The following MAP3K15 variants were observed in gnomAD, a reference collection of about 807,000 sequenced individuals.
MAP3K15 encodes the protein MAPK/ERK kinase kinase 15.
In MAP3K15, 124 loss-of-function variants were observed where a neutral mutation model predicts 99.5. The observed-to-expected ratio is 1.25, with a 90% CI of 1.08 to 1.45. The LOEUF (loss-of-function observed/expected upper bound fraction) is 1.45. MAP3K15 is among the 40% of genes most tolerant of loss of function. MAP3K15 has a pLI of 0.00. For synonymous variants in MAP3K15, 494 were observed against 439.6 expected, an observed-to-expected ratio of 1.12 and a Z score of -1.55; for missense variants, 1,242 against 1,079.7, an observed-to-expected ratio of 1.15 and a Z score of -2.11.
Position 19,382,137 on chromosome X carries a change from C to T in MAP3K15, c.2432-1860G>A, listed in dbSNP as rs754339564. ...ACATGGTGGTGGGTGCCTGTAATCC[C>T]AGCTACTCGGGAGGCTGAGGCAGGA... On this transcript the variant is annotated intron_variant, in intron 18 of 28. Coordinates refer to ENST00000338883, the MANE Select transcript of MAP3K15 (RefSeq NM_001001671.4). 3.9e-3 allele frequency among the ~76,000 whole-genome samples: 419 copies of T among 108,237 alleles called. 3 individuals carry two copies. Among genetic ancestry groups the T allele is most frequent in the African/African-American group, 0.013 (392 of 29,542 alleles). The allele number at this position is 108,237 out of a possible 115,157, so 94.0% of individuals were successfully genotyped here. A position where few individuals can be genotyped will look rare whatever the true frequency, so the allele number is the denominator to read the frequency against.
At chrX:19,489,048 G>T in intron 1 of MAP3K15, 81 bp from the exon 2 acceptor site, 2 of 917,649 alleles carry the variant, frequency 2.2e-6, no homozygotes, top group Non-Finnish European at 1.5e-6. Flanking sequence ...CCAGTGAGGA[G>T]CTATAGCAAT....
chrX:19,421,093 A>G (rs2063780271), intron 9 of MAP3K15, among the ~76,000 whole-genome samples: 1 of 110,791 alleles, frequency 9.0e-6, no homozygotes, highest in African/African-American at 3.3e-5. Flanking sequence ...ATGGGCAAAA[A>G]CTGGAAGCAT....
chrX:19,490,942 C>T (rs1181748101), intron 1 of MAP3K15, among the ~76,000 whole-genome samples: 1 of 111,163 alleles, frequency 9.0e-6, no homozygotes, highest in Non-Finnish European at 1.9e-5. Context: ...TGGGAGCTTC[C>T]TTACCATGTG....
At chrX:19,395,349 T>C in intron 15 of MAP3K15, 141 bp from the exon 16 acceptor site, 1 of 589,503 alleles carries the variant, frequency 1.7e-6, no homozygotes, top group Non-Finnish European at 2.6e-6. Flanking sequence ...ATGAAACTAT[T>C]CAACTTCCCA....
intron 6 of MAP3K15, among the ~76,000 whole-genome samples, chrX:19,446,051 G>C (rs1356617452): frequency 1.8e-5 from 2 of 112,139 alleles, no homozygotes; most frequent in Admixed American, 1.9e-4. Context: ...CAAATAATTT[G>C]AGGAAAATTT....
chrX:19,503,197 T>C (rs1341326604), intron 1 of MAP3K15, among the ~76,000 whole-genome samples: 1 of 112,130 alleles, frequency 8.9e-6, no homozygotes. Context: ...CCATGTTTAC[T>C]TACCCTTATA....
At chrX:19,501,646 G>T (rs1212541907) in intron 1 of MAP3K15, among the ~76,000 whole-genome samples, 1 of 112,398 alleles carries the variant, frequency 8.9e-6, no homozygotes, top group African/African-American at 3.2e-5. Flanking sequence ...GCCCACTGAT[G>T]ATTATTTTTA....
chrX:19,424,309 C>CATATATATACACACAT (rs2063813287), intron 9 of MAP3K15, among the ~76,000 whole-genome samples: 1 of 103,077 alleles, frequency 9.7e-6, no homozygotes, highest in Non-Finnish European at 1.9e-5. Flanking sequence ...TATATACACA[C>CATATATATACACACAT]ATATATATAC....
intron 16 of MAP3K15, among the ~76,000 whole-genome samples, chrX:19,394,789 CTTTTTTTTTTTTTTTTTTTTTTT>C (rs144723219): frequency 2.8e-3 from 49 of 17,520 alleles, no homozygotes; most frequent in South Asian, 4.3e-3. Flanking sequence ...GGGTCTGTTG[CTTTTTTTTTTTTTTTTTTTTTTT>C]TTTTTTTTTT....
intron 11 of MAP3K15, among the ~76,000 whole-genome samples, chrX:19,411,330 G>A (rs187696770): frequency 1.8e-5 from 2 of 112,410 alleles, no homozygotes; most frequent in Admixed American, 9.4e-5. Flanking sequence ...CTAGTTTCTT[G>A]CCATCCTGGA....
chrX:19,376,087 A>G (rs1312066750), intron 19 of MAP3K15, among the ~76,000 whole-genome samples: 1 of 111,871 alleles, frequency 8.9e-6, no homozygotes, highest in Non-Finnish European at 1.9e-5. Context: ...GGGCAGCACA[A>G]TGACACCCGG....
At chrX:19,509,163 G>A (rs903461402) in intron 1 of MAP3K15, among the ~76,000 whole-genome samples, 1 of 111,213 alleles carries the variant, frequency 9.0e-6, no homozygotes, top group Admixed American at 9.7e-5. Context: ...ACCTGACTTT[G>A]ACTTGCTGTG....
chrX:19,480,654 A>C (rs1348733432), intron 3 of MAP3K15, among the ~76,000 whole-genome samples: 4 of 46,983 alleles, frequency 8.5e-5, no homozygotes, highest in African/African-American at 6.6e-4. Flanking sequence ...GTCTCTACTT[A>C]AAAAAAAAAA....
intron 19 of MAP3K15, among the ~76,000 whole-genome samples, chrX:19,376,215 G>A (rs770638109): frequency 7.2e-5 from 8 of 111,079 alleles, no homozygotes; most frequent in African/African-American, 2.3e-4. Context: ...GGTGCTTATT[G>A]TCTCACAGTC....
intron 6 of MAP3K15, among the ~76,000 whole-genome samples, chrX:19,444,086 C>A (rs1356526479): frequency 8.9e-6 from 1 of 111,975 alleles, no homozygotes; most frequent in East Asian, 2.8e-4. Flanking sequence ...CATGAATAAT[C>A]CCCCAAGGGC....
intron 2 of MAP3K15, among the ~76,000 whole-genome samples, chrX:19,486,876 G>C (rs2064330026): frequency 9.0e-6 from 1 of 110,608 alleles, no homozygotes; most frequent in South Asian, 3.9e-4. Flanking sequence ...AAAGAATGTC[G>C]GCGATAGCAA....
chrX:19,407,018 T>C (rs1224580134), intron 13 of MAP3K15, among the ~76,000 whole-genome samples, 170 bp downstream of exon 13: 2 of 112,560 alleles, frequency 1.8e-5, no homozygotes, highest in African/African-American at 6.5e-5. Context: ...GTATTTTAAA[T>C]GGCTGAATTA....
rs1286629017 is a variant in MAP3K15 at position 19,395,061 on chromosome X, A to G, written c.2194+20T>C. On this transcript the variant is annotated intron_variant, in intron 16 of 28. Transcript: ENST00000338883. The stretch of plus-strand genomic sequence containing the variant: ...GTAGTGATTTTCAGAATGTGAGACC[A>G]GAAGACAGCGACTACTCACCTCCAG... 1 of 1,199,085 alleles carries G rather than the reference A, an allele frequency of 8.3e-7. No individual in the cohort carries two copies. The highest frequency in any genetic ancestry group is 1.1e-6 in the Non-Finnish European group (1 of 889,096).
At chrX:19,416,489 T>C (rs2063736317) in intron 9 of MAP3K15, among the ~76,000 whole-genome samples, 1 of 111,947 alleles carries the variant, frequency 8.9e-6, no homozygotes, top group South Asian at 3.7e-4. Flanking sequence ...CCATAAACAA[T>C]GAATAACACC....
Sources: gnomAD v4.1 joint callset for allele counts (sites outside exome capture counted in the v4.1 genomes callset) on GRCh38, gnomAD v4.1.1 for gene constraint, MANE v1.5 for transcripts, NCBI Gene and HGNC (gene_info 2026-07-23, HGNC 2026-07-21) for gene names.